RBFOX1: variants seen among roughly 807,000 people sequenced by gnomAD.
RBFOX1 encodes the protein RNA binding protein fox-1 homolog 1.
RBFOX1 carries 8 observed loss-of-function variants against 57.7 expected under a neutral mutation model. That is an observed-to-expected ratio of 0.14 (90% CI 0.08 to 0.25). The LOEUF is 0.25. RBFOX1 is among the 10% of genes least tolerant of loss of function. RBFOX1 has a pLI of 1.00. For synonymous variants in RBFOX1, 326 were observed against 222.4 expected, an observed-to-expected ratio of 1.47 and a Z score of -4.15; for missense variants, 611 against 548.5, an observed-to-expected ratio of 1.11 and a Z score of -1.14.
intron 4 of RBFOX1, among the ~76,000 whole-genome samples, chr16:7,456,944 G>A (rs949775013): frequency 6.6e-6 from 1 of 151,840 alleles, no homozygotes; most frequent in Non-Finnish European, 1.5e-5. Context: ...CAGGCTGAGT[G>A]CAATGGCGCG....
intron 2 of RBFOX1, among the ~76,000 whole-genome samples, chr16:5,557,326 C>T (rs11645332): frequency 0.28 from 43,051 of 151,306 alleles, 6,846 homozygotes; most frequent in Non-Finnish European, 0.35. Flanking sequence ...AGGTTGTTTG[C>T]GTTCCTGCTG....
At chr16:7,194,991 G>A (rs919016301) in intron 4 of RBFOX1, among the ~76,000 whole-genome samples, 3 of 149,778 alleles carry the variant, frequency 2.0e-5, no homozygotes, top group Admixed American at 6.7e-5. Context: ...ATATTTTATC[G>A]AGGTTAATAA....
At chr16:7,418,206 C>G (rs145809587) in intron 4 of RBFOX1, among the ~76,000 whole-genome samples, 9 of 152,312 alleles carry the variant, frequency 5.9e-5, no homozygotes, top group East Asian at 1.9e-4. Context: ...ACCCCAGAAG[C>G]CTCCATGCCC....
chr16:6,534,821 T>G (rs2345024), intron 2 of RBFOX1, among the ~76,000 whole-genome samples: 2 of 152,180 alleles, frequency 1.3e-5, no homozygotes, highest in African/African-American at 4.8e-5. Flanking sequence ...CAAAACACCA[T>G]GGAACTGTAT....
At chr16:5,952,796 C>G (rs1597932383) in intron 4 of RBFOX1, among the ~76,000 whole-genome samples, 2 of 152,098 alleles carry the variant, frequency 1.3e-5, no homozygotes, top group Admixed American at 6.5e-5. Context: ...GAGAGTTTCT[C>G]CAGGACAAGG....
At chr16:6,707,483 T>TTTG (rs1555714722) in intron 3 of RBFOX1, among the ~76,000 whole-genome samples, 1 of 150,928 alleles carries the variant, frequency 6.6e-6, no homozygotes, top group African/African-American at 2.4e-5. Context: ...TTTTTGTTTT[T>TTTG]TTTTTTTTTT....
intron 3 of RBFOX1, among the ~76,000 whole-genome samples, chr16:5,717,629 A>C (rs2051760517): frequency 6.6e-6 from 1 of 152,128 alleles, no homozygotes; most frequent in Non-Finnish European, 1.5e-5. Context: ...CAGTTACTTC[A>C]CTTAGAATAA....
intron 1 of RBFOX1, among the ~76,000 whole-genome samples, chr16:6,223,615 G>A: frequency 6.6e-6 from 1 of 152,174 alleles, no homozygotes; most frequent in Non-Finnish European, 1.5e-5. Context: ...TTTGTCAGAT[G>A]AGTAGGTTGC....
chr16:5,725,708 G>T (rs939304470), intron 3 of RBFOX1, among the ~76,000 whole-genome samples: 10 of 151,826 alleles, frequency 6.6e-5, no homozygotes, highest in Non-Finnish European at 1.5e-4. Context: ...TGGCATGGGG[G>T]AAATCCACTG....
At chr16:6,257,220 A>G (rs891720812) in intron 1 of RBFOX1, among the ~76,000 whole-genome samples, 1 of 152,030 alleles carries the variant, frequency 6.6e-6, no homozygotes, top group African/African-American at 2.4e-5. Flanking sequence ...TCACCTAGGT[A>G]TTAAGCCCTG....
intron 2 of RBFOX1, among the ~76,000 whole-genome samples, chr16:5,521,479 C>T (rs911721406): frequency 6.6e-6 from 1 of 151,828 alleles, no homozygotes; most frequent in Non-Finnish European, 1.5e-5. Context: ...CCTCCATCTT[C>T]CCAGTGTCTC....
chr16:7,087,301 T>C (rs1253118136), intron 4 of RBFOX1, among the ~76,000 whole-genome samples: 1 of 152,170 alleles, frequency 6.6e-6, no homozygotes, highest in Non-Finnish European at 1.5e-5. Context: ...GCCGCCTTCC[T>C]GTAAATTCCA....
At chr16:7,132,786 C>A (rs765587577) in intron 4 of RBFOX1, among the ~76,000 whole-genome samples, 3 of 152,158 alleles carry the variant, frequency 2.0e-5, no homozygotes, top group Non-Finnish European at 4.4e-5. Flanking sequence ...TACTGAAACT[C>A]TTAGAAACAG....
chr16:6,722,303 A>T (rs765787892), intron 3 of RBFOX1, among the ~76,000 whole-genome samples: 2 of 144,164 alleles, frequency 1.4e-5, no homozygotes. Flanking sequence ...CAGCCTCGCC[A>T]ACTTTTGTTA....
chr16:5,317,056 G>C (rs2064260521), intron 1 of RBFOX1, among the ~76,000 whole-genome samples: 1 of 152,140 alleles, frequency 6.6e-6, no homozygotes, highest in Non-Finnish European at 1.5e-5. Context: ...TGCACCGATA[G>C]CCTCCTGGGC....
intron 2 of RBFOX1, among the ~76,000 whole-genome samples, chr16:6,400,555 C>T (rs1233432391): frequency 6.6e-6 from 1 of 150,618 alleles, no homozygotes; most frequent in Non-Finnish European, 1.5e-5. Flanking sequence ...AAAATTATAC[C>T]CAATATAGTA....
At chr16:6,203,128 T>C (rs2097226861) in intron 1 of RBFOX1, among the ~76,000 whole-genome samples, 1 of 151,984 alleles carries the variant, frequency 6.6e-6, no homozygotes, top group African/African-American at 2.4e-5. Flanking sequence ...AAATCCAGCC[T>C]CATAGCAAAT....
intron 1 of RBFOX1, among the ~76,000 whole-genome samples, chr16:6,032,390 T>C (rs1474346536): frequency 6.6e-6 from 1 of 151,824 alleles, no homozygotes; most frequent in African/African-American, 2.4e-5. Context: ...TAAAAAAATA[T>C]ACAATTATTC....
intron 1 of RBFOX1, among the ~76,000 whole-genome samples, chr16:6,239,247 C>T (rs73525333): frequency 0.011 from 1,715 of 152,088 alleles, 16 homozygotes; most frequent in Middle Eastern, 0.048. Context: ...CTTTGATGTT[C>T]GTCTTATCTT....
Sources: allele counts gnomAD v4.1 joint callset (sites outside exome capture counted in the v4.1 genomes callset), GRCh38; gene constraint gnomAD v4.1.1; transcripts MANE v1.5; gene names NCBI Gene and HGNC (gene_info 2026-07-23, HGNC 2026-07-21).